Variants in CPAMD8 observed in about 807,000 individuals in gnomAD.
The protein encoded by CPAMD8 is C3 and PZP like alpha-2-macroglobulin domain containing 8, also known as C3 and PZP-like alpha-2-macroglobulin domain-containing protein 8.
Under a neutral mutation model 224.7 loss-of-function variants are expected in CPAMD8, and 146 were observed. The observed-to-expected ratio is 0.65, with a 90% CI of 0.57 to 0.75. The LOEUF (loss-of-function observed/expected upper bound fraction) is 0.75, where lower values mean the gene tolerates loss of function less well. CPAMD8 is among the 30% of genes least tolerant of loss of function. CPAMD8 has a pLI of 0.00. For missense variants in CPAMD8, 2,301 were observed against 2,537.5 expected, an observed-to-expected ratio of 0.91 and a Z score of 2.00; for synonymous variants, 966 against 1,044.6, an observed-to-expected ratio of 0.92 and a Z score of 1.45.
intron 13 of CPAMD8, among the ~76,000 whole-genome samples, chr19:16,983,360 T>C (rs992025925): frequency 4.6e-5 from 7 of 152,084 alleles, no homozygotes; most frequent in African/African-American, 1.2e-4. Flanking sequence ...GATTGTGCCA[T>C]TGCACTCCAG....
At chr19:17,012,703 A>T (rs1295146701) in intron 3 of CPAMD8, among the ~76,000 whole-genome samples, 1 of 152,066 alleles carries the variant, frequency 6.6e-6, no homozygotes, top group Non-Finnish European at 1.5e-5. Context: ...TTCTCTTCTG[A>T]CTCAACAGAG....
At chr19:16,911,549 T>C (rs2052728619) in intron 29 of CPAMD8, among the ~76,000 whole-genome samples, 1 of 150,842 alleles carries the variant, frequency 6.6e-6, no homozygotes, top group African/African-American at 2.4e-5. Flanking sequence ...TTATTTTTAT[T>C]TTATTTTATT....
chr19:16,921,755 G>A (rs2053182702), intron 27 of CPAMD8, 150 bp downstream of exon 27: 2 of 600,278 alleles, frequency 3.3e-6, no homozygotes, highest in Non-Finnish European at 5.9e-6. Flanking sequence ...CATCTCTGGA[G>A]CTGGGACCAC....
chr19:16,896,893 T>C (rs2052022652), intron 39 of CPAMD8: 2 of 394,132 alleles, frequency 5.1e-6, no homozygotes, highest in African/African-American at 2.1e-5. Context: ...AAAGCGGTTG[T>C]AGGAGAGAAA....
In CPAMD8 at chr19:16,896,154, C is replaced by A. The variant is rs111873774; in HGVS notation, c.5426+22G>T. 7.4e-4 allele frequency: 1,186 copies of A among 1,613,244 alleles called. 7 individuals carry two copies. In the African/African-American group the frequency reaches 0.013, roughly 18 times the overall value. On this transcript the variant is annotated intron_variant, in intron 41 of 41. Transcript: ENST00000443236. ...GATATTGAGCCTATGTCTCTTATCT[C>A]TGGGGTGGGCCCAGCTGTTACCTGT... is the stretch of plus-strand genomic sequence containing the variant.
chr19:16,989,611 G>A, intron 13 of CPAMD8, 32 bp downstream of exon 13: 1 of 1,603,154 alleles, frequency 6.2e-7, no homozygotes, highest in Non-Finnish European at 8.5e-7. Flanking sequence ...GATCCCGCAT[G>A]GCCCAGGAAG....
chr19:16,927,960 C>T lies in CPAMD8; in HGVS notation c.3370+49G>A, dbSNP rs187799736. ...GAGACTAAGCCTGGAGTCTCAACTT[C>T]GGCTCTTGCCCCCTGACCTCTCCAA... On this transcript the variant is annotated intron_variant, in intron 25 of 41. Coordinates refer to ENST00000443236, the MANE Select transcript of CPAMD8 (RefSeq NM_015692.5). 6.6e-5 allele frequency: 90 copies of T among 1,367,906 alleles called. No homozygotes were observed. The Admixed American group carries it at 8.4e-4, about 13-fold the overall frequency. 84.7% of individuals were successfully genotyped at this position (1,367,906 alleles called of 1,614,324 possible).
chr19:16,952,106 A>C lies in CPAMD8; in HGVS notation c.2371T>G (p.Leu791Val). The C allele has an allele frequency of 6.4e-7, 1 of 1,554,890 alleles. No homozygotes were observed. Among genetic ancestry groups the C allele is most frequent in the Non-Finnish European group, 8.7e-7 (1 of 1,148,444 alleles). ...AGCAGGGAGGGCTCGGCGATGCCTA[A>C]GCCCTGAGAGGTGGACAGGGCCACG... ...EAVALSTSQGLGIAEPSLLKT... is the reference protein window; with the variant it reads ...EAVALSTSQGVGIAEPSLLKT... Residue 791 changes from leucine to valine, a missense_variant, in exon 20 of 42, where the codon TTA (leucine) becomes GTA (valine). Coordinates refer to ENST00000443236, the MANE Select transcript of CPAMD8 (RefSeq NM_015692.5).
rs1273679142 is a variant in CPAMD8, at chr19:16,902,561, CG to C, written c.4685+87del. ...AAAACCACCACTGAGTGCCTGGAGC[CG>C]GAAGCTCCTCCTGGTCCCAGGAGGC... On this transcript the variant is annotated intron_variant, in intron 35 of 41. Coordinates refer to ENST00000443236, the MANE Select transcript of CPAMD8 (RefSeq NM_015692.5). 2.5e-5 allele frequency: 19 copies of C among 759,076 alleles called. No homozygotes were observed. The African/African-American group carries it at 3.4e-4, about 14-fold the overall frequency. The allele number at this position is 759,076 out of a possible 1,614,324, so 47.0% of individuals were successfully genotyped here.
At chr19:17,017,426 G>A (rs999865352) in intron 3 of CPAMD8, among the ~76,000 whole-genome samples, 3 of 152,204 alleles carry the variant, frequency 2.0e-5, no homozygotes, top group African/African-American at 7.2e-5. Context: ...GGAAAAAACT[G>A]TCTTCCATGA....
intron 14 of CPAMD8, among the ~76,000 whole-genome samples, chr19:16,979,459 C>T (rs369849008): frequency 7.4e-4 from 47 of 63,798 alleles, no homozygotes; most frequent in South Asian, 3.0e-3. Flanking sequence ...TCCACCCATC[C>T]ATCTGTCCAT....
intron 8 of CPAMD8, among the ~76,000 whole-genome samples, chr19:17,003,945 C>T (rs867551732): frequency 2.6e-5 from 4 of 151,082 alleles, no homozygotes; most frequent in Middle Eastern, 3.4e-3. Context: ...CTCGCCCTGT[C>T]GCCCAGGCTG....
chr19:16,980,298 C>A (rs976335315), intron 14 of CPAMD8, among the ~76,000 whole-genome samples, 199 bp downstream of exon 14: 3 of 152,164 alleles, frequency 2.0e-5, no homozygotes, highest in African/African-American at 7.2e-5. Context: ...GAGTCTGGGG[C>A]CTGAACCTCT....
chr19:16,929,642 G>A (rs1374808677), intron 23 of CPAMD8, among the ~76,000 whole-genome samples: 2 of 152,188 alleles, frequency 1.3e-5, no homozygotes, highest in African/African-American at 4.8e-5. Context: ...CAAGGCTGCA[G>A]TGAGCCATGA....
chr19:16,988,387 G>A lies in CPAMD8; in HGVS notation c.1395+1256C>T, dbSNP rs146346627. ...GCATTTTGGGAGGCCAAGGTGGGCA[G>A]ATCACTTGAGGTCAGAAGTTCAAGA... On this transcript the variant is annotated intron_variant, in intron 13 of 41. Transcript: ENST00000443236. Among the ~76,000 whole-genome samples the A allele has an allele frequency of 6.6e-5, 10 of 152,310 alleles. No homozygotes were observed. The East Asian group carries it at 1.9e-3, about 29-fold the overall frequency.
chr19:16,897,635 G>C, intron 39 of CPAMD8, 56 bp downstream of exon 39: 1 of 987,046 alleles, frequency 1.0e-6, no homozygotes. Flanking sequence ...GTCCGAGGGT[G>C]GGAGTCGGGG....
chr19:16,951,749 C>A (rs1046011923), intron 20 of CPAMD8, among the ~76,000 whole-genome samples: 7 of 152,102 alleles, frequency 4.6e-5, no homozygotes, highest in African/African-American at 1.7e-4. Flanking sequence ...AGAGGCTGAT[C>A]TCATCCCACT....
At chr19:17,017,461 T>C (rs552408739) in intron 3 of CPAMD8, among the ~76,000 whole-genome samples, 1 of 152,228 alleles carries the variant, frequency 6.6e-6, no homozygotes, top group East Asian at 1.9e-4. Context: ...GCCAAAAAGG[T>C]TGGGGACTGC....
At chr19:16,914,024 C>T (rs2052830976) in intron 29 of CPAMD8, among the ~76,000 whole-genome samples, 1 of 152,132 alleles carries the variant, frequency 6.6e-6, no homozygotes, top group Non-Finnish European at 1.5e-5. Context: ...ATCCTAACCC[C>T]TTTCCCTGCA....
Sources: gnomAD v4.1 joint callset for allele counts (sites outside exome capture counted in the v4.1 genomes callset) on GRCh38, gnomAD v4.1.1 for gene constraint, MANE v1.5 for transcripts, NCBI Gene and HGNC (gene_info 2026-07-23, HGNC 2026-07-21) for gene names.